PLEKHG1: variants seen among roughly 807,000 people sequenced by gnomAD.
PLEKHG1 encodes the protein pleckstrin homology domain-containing family G member 1.
In PLEKHG1, 44 loss-of-function variants were observed where a neutral mutation model predicts 100.8. The observed-to-expected ratio is 0.44, with a 90% CI of 0.34 to 0.56. PLEKHG1 has a LOEUF of 0.56. Ranked by LOEUF, PLEKHG1 falls within the 20% of genes least tolerant of loss-of-function variation. The pLI is 0.01. For synonymous variants in PLEKHG1, 640 were observed against 662.5 expected (o/e 0.97, Z 0.52); for missense variants, 1,545 against 1,720.9 (o/e 0.90, Z 1.81).
intron 3 of PLEKHG1, among the ~76,000 whole-genome samples, chr6:150,676,385 C>T (rs966016590): frequency 6.6e-6 from 1 of 152,226 alleles, no homozygotes; most frequent in African/African-American, 2.4e-5. Flanking sequence ...AAACATTTTA[C>T]ACCTATCAAA....
intron 14 of PLEKHG1, among the ~76,000 whole-genome samples, chr6:150,824,842 ACC>A (rs1429226984): frequency 6.6e-6 from 1 of 151,872 alleles, no homozygotes; most frequent in African/African-American, 2.4e-5. Flanking sequence ...ACATAATCTT[ACC>A]TTTAAGTGAT....
At chr6:150,811,301 A>C (rs530210356) in intron 10 of PLEKHG1, among the ~76,000 whole-genome samples, 1 of 149,952 alleles carries the variant, frequency 6.7e-6, no homozygotes, top group East Asian at 2.0e-4. Context: ...ACAGGATCTT[A>C]CTCTGTCGCC....
At chr6:150,834,342 A>G (rs1777114475) in intron 15 of PLEKHG1, among the ~76,000 whole-genome samples, 2 of 152,168 alleles carry the variant, frequency 1.3e-5, no homozygotes, top group Admixed American at 1.3e-4. Flanking sequence ...ATGGCCTTAG[A>G]AACAGTTGTA....
At chr6:150,810,896 G>C (rs1433202085) in intron 10 of PLEKHG1, among the ~76,000 whole-genome samples, 1 of 152,042 alleles carries the variant, frequency 6.6e-6, no homozygotes. Context: ...ACTCCAGCCT[G>C]GGTGACAGAG....
In PLEKHG1 at chr6:150,809,289, T is replaced by C. The variant is rs775669190; in HGVS notation, c.1095+2T>C. 1 of 1,613,468 alleles carries C rather than the reference T, an allele frequency of 6.2e-7. No homozygotes were observed. Among genetic ancestry groups the C allele is most frequent in the Non-Finnish European group, 8.5e-7 (1 of 1,179,670 alleles). On this transcript the variant is annotated splice_donor_variant, in intron 8 of 15. Transcript: ENST00000358517. LOFTEE classifies it high-confidence loss of function. ...TTTACATACAAAGCTCACATCCTGG[T>C]AGGTCTGCACGCTGGCCATGGGCAG...
intron 14 of PLEKHG1, among the ~76,000 whole-genome samples, chr6:150,828,617 C>CA (rs546053449): frequency 0.03 from 3,982 of 134,840 alleles, 151 homozygotes; most frequent in African/African-American, 0.093. Context: ...ATTTGTATGG[C>CA]AAAAAAAAAA....
chr6:150,641,876 C>CAAAAACA (rs1778277394), intron 2 of PLEKHG1, among the ~76,000 whole-genome samples: 1 of 76,798 alleles, frequency 1.3e-5, no homozygotes. Flanking sequence ...TGTGAAAAGG[C>CAAAAACA]AAAAAAAAAA....
chr6:150,687,228 T>TA (rs1404158797), intron 3 of PLEKHG1, among the ~76,000 whole-genome samples: 1 of 152,206 alleles, frequency 6.6e-6, no homozygotes, highest in African/African-American at 2.4e-5. Context: ...AAAAGATTAT[T>TA]ACTACCTTCT....
intron 1 of PLEKHG1, 126 bp from the exon 3 acceptor site, chr6:150,733,458 A>G (rs1782381906): frequency 4.0e-6 from 3 of 741,164 alleles, no homozygotes; most frequent in Non-Finnish European, 6.3e-6. Context: ...GTACCTTTGC[A>G]TCCCTTCTGT....
intron 1 of PLEKHG1, among the ~76,000 whole-genome samples, chr6:150,616,288 T>C (rs1582816335): frequency 2.0e-5 from 3 of 152,348 alleles, no homozygotes; most frequent in East Asian, 1.9e-4. Context: ...ATCTTTGTTA[T>C]AGGCAGCTAC....
chr6:150,675,957 A>G (rs1009179175), intron 3 of PLEKHG1, among the ~76,000 whole-genome samples: 2 of 152,260 alleles, frequency 1.3e-5, no homozygotes, highest in African/African-American at 4.8e-5. Context: ...AGTTACTAAT[A>G]CAAGATATAA....
intron 3 of PLEKHG1, among the ~76,000 whole-genome samples, chr6:150,677,890 CAAAT>C (rs1199652784): frequency 5.3e-5 from 8 of 150,834 alleles, no homozygotes; most frequent in East Asian, 1.9e-4. Flanking sequence ...AATAAATAAA[CAAAT>C]AAATAAATAA....
chr6:150,826,514 G>A (rs1776620116), intron 14 of PLEKHG1, among the ~76,000 whole-genome samples: 1 of 152,204 alleles, frequency 6.6e-6, no homozygotes, highest in Admixed American at 6.5e-5. Context: ...TGCTGAGAAT[G>A]TGGAAGGACA....
intron 3 of PLEKHG1, among the ~76,000 whole-genome samples, chr6:150,707,282 G>T (rs551683227): frequency 6.6e-6 from 1 of 152,042 alleles, no homozygotes; most frequent in South Asian, 2.1e-4. Flanking sequence ...GGGATTACAG[G>T]TGTGAGCCAC....
At chr6:150,757,206 T>C (rs1016877206) in intron 2 of PLEKHG1, among the ~76,000 whole-genome samples, 2 of 152,148 alleles carry the variant, frequency 1.3e-5, no homozygotes, top group African/African-American at 4.8e-5. Flanking sequence ...TTTACCATGT[T>C]GGTCAGGCTG....
intron 3 of PLEKHG1, among the ~76,000 whole-genome samples, chr6:150,703,767 A>G (rs998836168): frequency 2.0e-5 from 3 of 152,192 alleles, no homozygotes; most frequent in African/African-American, 7.2e-5. Context: ...CTGGCAATAC[A>G]TATGAATCAC....
chr6:150,782,017 A>T (rs1785342529), intron 3 of PLEKHG1, among the ~76,000 whole-genome samples: 1 of 151,716 alleles, frequency 6.6e-6, no homozygotes, highest in African/African-American at 2.4e-5. Flanking sequence ...TGACCTCGTG[A>T]TCCACCCGCC....
intron 2 of PLEKHG1, among the ~76,000 whole-genome samples, chr6:150,751,980 G>A (rs763462690): frequency 2.0e-5 from 3 of 152,164 alleles, no homozygotes; most frequent in Non-Finnish European, 4.4e-5. Context: ...CCTGAGATCA[G>A]GAGTTCGAGA....
At chr6:150,843,128 C>A (rs1222617762) in exon 16 of PLEKHG1, 2 of 152,194 alleles carry the variant, frequency 1.3e-5, no homozygotes, top group Non-Finnish European at 1.5e-5. Context: ...TTGGTATTAT[C>A]CAGTTCTATG....
Sources: gnomAD v4.1 joint callset for allele counts (sites outside exome capture counted in the v4.1 genomes callset) on GRCh38, gnomAD v4.1.1 for gene constraint, MANE v1.5 for transcripts, NCBI Gene and HGNC (gene_info 2026-07-23, HGNC 2026-07-21) for gene names.